CCDC102B: variants seen among roughly 807,000 people sequenced by gnomAD.
The protein encoded by CCDC102B is coiled-coil domain containing 102B.
A neutral mutation model predicts 57.4 loss-of-function variants in CCDC102B; 75 were observed. That is an observed-to-expected ratio of 1.31 (90% CI 1.08 to 1.58). CCDC102B has a LOEUF of 1.58. Among genes scored for constraint, CCDC102B ranks in the 40% most tolerant of loss-of-function variants. The pLI, the probability that CCDC102B is intolerant of heterozygous loss-of-function variation, is 0.00. For missense variants in CCDC102B, 636 were observed against 582.6 expected (o/e 1.09, Z -0.94); for synonymous variants, 206 against 201.9 (o/e 1.02, Z -0.17).
At chr18:68,853,672 T>TAAAAAA (rs71175201) in intron 4 of CCDC102B, among the ~76,000 whole-genome samples, 10,438 of 93,038 alleles carry the variant, frequency 0.11, 1,725 homozygotes, top group Non-Finnish European at 0.15. Flanking sequence ...CCCCAAATTG[T>TAAAAAA]AAAAAAAAAA....
chr18:68,908,716 G>T (rs2145061809), intron 6 of CCDC102B: 1 of 152,270 alleles, frequency 6.6e-6, no homozygotes. Flanking sequence ...GTGTGGTATT[G>T]ATTTTGGTCT....
At chr18:69,026,690 C>A (rs1045189809) in intron 7 of CCDC102B, among the ~76,000 whole-genome samples, 3 of 152,106 alleles carry the variant, frequency 2.0e-5, no homozygotes, top group Non-Finnish European at 4.4e-5. Context: ...AAGAAGGAGG[C>A]AGAGACTGAG....
At chr18:69,022,098 A>G (rs1056060606) in intron 7 of CCDC102B, among the ~76,000 whole-genome samples, 2 of 151,860 alleles carry the variant, frequency 1.3e-5, no homozygotes, top group African/African-American at 4.8e-5. Context: ...TGTTTTAAGG[A>G]CGGGTTATAT....
chr18:69,020,921 T>C (rs946803315), intron 7 of CCDC102B, among the ~76,000 whole-genome samples: 4 of 152,156 alleles, frequency 2.6e-5, no homozygotes, highest in African/African-American at 9.7e-5. Flanking sequence ...AAAATAAACA[T>C]GGGAAACATA....
intron 7 of CCDC102B, among the ~76,000 whole-genome samples, chr18:69,031,315 G>C (rs1395565277): frequency 6.6e-6 from 1 of 152,008 alleles, no homozygotes; most frequent in Non-Finnish European, 1.5e-5. Flanking sequence ...CCTTTCCTTT[G>C]TGGGAAATTA....
intron 6 of CCDC102B, among the ~76,000 whole-genome samples, chr18:68,997,122 A>ACC (rs2051049586): frequency 6.6e-6 from 1 of 151,884 alleles, no homozygotes; most frequent in Non-Finnish European, 1.5e-5. Context: ...TTTGCCTTCC[A>ACC]CTGTGATTGT....
intron 2 of CCDC102B, chr18:68,838,404 T>C: frequency 2.0e-6 from 2 of 985,154 alleles, no homozygotes; most frequent in Non-Finnish European, 2.4e-6. Flanking sequence ...TAAAAATTAT[T>C]TACAGCTGTT....
intron 2 of CCDC102B, among the ~76,000 whole-genome samples, chr18:68,772,982 G>A (rs946757809): frequency 1.3e-5 from 2 of 151,772 alleles, no homozygotes; most frequent in Non-Finnish European, 2.9e-5. Flanking sequence ...GTGGTAAGAG[G>A]GCAAATGAAT....
intron 4 of CCDC102B, among the ~76,000 whole-genome samples, chr18:68,865,668 G>A (rs998147789): frequency 3.3e-5 from 5 of 152,084 alleles, no homozygotes; most frequent in Admixed American, 6.6e-5. Context: ...TTATTTTGAA[G>A]CATTTTGCCA....
chr18:68,946,732 T>A (rs1371685005), intron 6 of CCDC102B, among the ~76,000 whole-genome samples: 2 of 151,998 alleles, frequency 1.3e-5, no homozygotes, highest in Non-Finnish European at 2.9e-5. Flanking sequence ...CCTAAGGGCT[T>A]TGAAGGTAAA....
At chr18:69,033,007 T>C (rs1175575750) in intron 7 of CCDC102B, among the ~76,000 whole-genome samples, 4 of 152,172 alleles carry the variant, frequency 2.6e-5, no homozygotes, top group African/African-American at 9.7e-5. Context: ...CAATTCTTGT[T>C]AGATTTTTTA....
At chr18:68,811,680 AAG>A (rs1176200045) in intron 1 of CCDC102B, among the ~76,000 whole-genome samples, 3 of 152,148 alleles carry the variant, frequency 2.0e-5, no homozygotes, top group Non-Finnish European at 2.9e-5. Context: ...GTCTTTAAGA[AAG>A]AGGGAGTTTT....
intron 3 of CCDC102B, among the ~76,000 whole-genome samples, chr18:68,843,786 C>T (rs562185343): frequency 1.1e-4 from 17 of 151,982 alleles, no homozygotes; most frequent in African/African-American, 3.9e-4. Context: ...CAATAATATA[C>T]ATCCCAATTA....
At chr18:69,021,819 T>C (rs1327085185) in intron 7 of CCDC102B, among the ~76,000 whole-genome samples, 2 of 152,192 alleles carry the variant, frequency 1.3e-5, no homozygotes, top group Non-Finnish European at 2.9e-5. Context: ...TAGACAAAAG[T>C]GAACACATGT....
At chr18:69,001,307 T>C (rs1249948843) in intron 6 of CCDC102B, among the ~76,000 whole-genome samples, 8 of 55,098 alleles carry the variant, frequency 1.5e-4, no homozygotes, top group Non-Finnish European at 3.1e-4. Context: ...GTAGAGTACC[T>C]ACTGATTTGT....
At chr18:68,804,315 A>G (rs953636112) in intron 1 of CCDC102B, among the ~76,000 whole-genome samples, 12 of 152,196 alleles carry the variant, frequency 7.9e-5, no homozygotes. Flanking sequence ...GTTTTTGAAC[A>G]TGTGAAATCT....
intron 2 of CCDC102B, among the ~76,000 whole-genome samples, chr18:68,787,181 C>A (rs1341960021): frequency 6.6e-6 from 1 of 150,796 alleles, no homozygotes; most frequent in African/African-American, 2.5e-5. Context: ...ATGAAGCCCA[C>A]TTGATCATGG....
chr18:68,967,230 C>G (rs796799098), intron 6 of CCDC102B, among the ~76,000 whole-genome samples: 8 of 152,232 alleles, frequency 5.3e-5, no homozygotes, highest in African/African-American at 1.9e-4. Context: ...TAGAGACTCT[C>G]TACCAGTGGT....
At chr18:69,038,507 A>G (rs538719092) in intron 7 of CCDC102B, among the ~76,000 whole-genome samples, 12 of 152,052 alleles carry the variant, frequency 7.9e-5, no homozygotes, top group African/African-American at 2.9e-4. Flanking sequence ...TGATATTAAC[A>G]TTTTTCTTGA....
Sources: gnomAD v4.1 joint callset for allele counts (sites outside exome capture counted in the v4.1 genomes callset) on GRCh38, gnomAD v4.1.1 for gene constraint, MANE v1.5 for transcripts, NCBI Gene and HGNC (gene_info 2026-07-23, HGNC 2026-07-21) for gene names.